The following IQCJ variants were observed in gnomAD, a reference collection of about 807,000 sequenced individuals.
IQCJ encodes IQ domain-containing protein J.
In IQCJ, 9 loss-of-function variants were observed where a neutral mutation model predicts 11.0. That is an observed-to-expected ratio of 0.82 (90% confidence interval 0.49 to 1.43). The LOEUF is 1.43. IQCJ is among the 40% of genes most tolerant of loss of function. The pLI, the probability that IQCJ is intolerant of heterozygous loss-of-function variation, is 0.00. For missense variants in IQCJ, 146 were observed against 133.2 expected, an observed-to-expected ratio of 1.10 and a Z score of -0.47; for synonymous variants, 55 against 51.3, an observed-to-expected ratio of 1.07 and a Z score of -0.31.
chr3:159,150,922 G>A (rs1577042855), intron 1 of IQCJ, among the ~76,000 whole-genome samples: 1 of 152,126 alleles, frequency 6.6e-6, no homozygotes, highest in Admixed American at 6.5e-5. Flanking sequence ...GATTTTCCAT[G>A]AATGGATAAA....
chr3:159,126,896 G>A (rs902970222), intron 1 of IQCJ, among the ~76,000 whole-genome samples: 1 of 152,166 alleles, frequency 6.6e-6, no homozygotes, highest in African/African-American at 2.4e-5. Flanking sequence ...TGCTTGAAGG[G>A]CAGAAAATGA....
rs1292973872 is a variant in IQCJ, at chr3:159,069,321, A to G, written c.-112A>G. 5 of 1,431,104 alleles carry G rather than the reference A, an allele frequency of 3.5e-6. No homozygotes were observed. In the East Asian group the frequency reaches 1.2e-4, roughly 35 times the overall value. The allele number at this position is 1,431,104 out of a possible 1,614,324, so 88.7% of individuals were successfully genotyped here. A position where few individuals can be genotyped will look rare whatever the true frequency, so the allele number is the denominator to read the frequency against. Reference sequence around the variant, plus strand: ...TCAACTCAAAGGTTTCCAGCCTCACACTCGCCTCACATTCCCCCACAGTCA... The same window carrying G: ...TCAACTCAAAGGTTTCCAGCCTCACGCTCGCCTCACATTCCCCCACAGTCA... On this transcript the variant is annotated 5_prime_UTR_variant, in exon 1 of 4. Coordinates refer to ENST00000397832, the MANE Select transcript of IQCJ (RefSeq NM_001042706.3).
At chr3:159,223,197 C>A (rs1325389697) in intron 1 of IQCJ, among the ~76,000 whole-genome samples, 1 of 151,920 alleles carries the variant, frequency 6.6e-6, no homozygotes, top group African/African-American at 2.4e-5. Context: ...CTTCAGACAA[C>A]CAAAATGATG....
At chr3:159,112,058 G>A (rs961979137) in intron 1 of IQCJ, among the ~76,000 whole-genome samples, 1 of 152,006 alleles carries the variant, frequency 6.6e-6, no homozygotes, top group Non-Finnish European at 1.5e-5. Flanking sequence ...AAGTTTGTCC[G>A]TGACCAAATA....
At chr3:159,135,801 A>G (rs1484955102) in intron 1 of IQCJ, among the ~76,000 whole-genome samples, 1 of 152,238 alleles carries the variant, frequency 6.6e-6, no homozygotes, top group African/African-American at 2.4e-5. Flanking sequence ...AGTTTCTGCC[A>G]CATGTAACCT....
chr3:159,136,719 C>T (rs1056179719), intron 1 of IQCJ, among the ~76,000 whole-genome samples: 21 of 152,160 alleles, frequency 1.4e-4, no homozygotes, highest in Non-Finnish European at 4.4e-5. Context: ...AAGGGCTTTG[C>T]CCTCATGACC....
rs1181119648 is a variant in IQCJ, at chr3:159,252,751, G to C, written c.99G>C (p.Glu33Asp). Residue 33 changes from glutamate to aspartate, a missense_variant, in exon 3 of 4, where the codon GAG becomes GAC. Glu to Asp is a conservative substitution (Grantham distance 45). Transcript: ENST00000397832. ...GTCACCAGCTGGCCATGGATGCAGA[G>C]AATAATATTGAAAAGTATCCCCTCA... ...FENHQLAMDA[E>D]NNIEKYPLNL... The C allele has an allele frequency of 6.2e-7, 1 of 1,612,326 alleles. No homozygotes were observed. Among genetic ancestry groups the C allele is most frequent in the Non-Finnish European group, 8.5e-7 (1 of 1,179,088 alleles).
intron 1 of IQCJ, among the ~76,000 whole-genome samples, chr3:159,129,051 T>C (rs550151107): frequency 2.6e-4 from 39 of 151,986 alleles, no homozygotes; most frequent in Non-Finnish European, 2.5e-4. Flanking sequence ...ACAACAACAA[T>C]AACAACAAAT....
chr3:159,198,462 A>T (rs1333747758), intron 1 of IQCJ, among the ~76,000 whole-genome samples: 1 of 152,188 alleles, frequency 6.6e-6, no homozygotes, highest in East Asian at 1.9e-4. Context: ...TGAGGATGTG[A>T]AGAAAATGAT....
At chr3:159,248,547 G>C (rs2108204222) in intron 2 of IQCJ, among the ~76,000 whole-genome samples, 1 of 152,276 alleles carries the variant, frequency 6.6e-6, no homozygotes, top group Middle Eastern at 3.4e-3. Flanking sequence ...GTCTAGATCA[G>C]TTATTTTTCA....
At chr3:159,093,538 A>G (rs1346198743) in intron 1 of IQCJ, among the ~76,000 whole-genome samples, 1 of 151,828 alleles carries the variant, frequency 6.6e-6, no homozygotes, top group Non-Finnish European at 1.5e-5. Context: ...ATGTCACCAT[A>G]ACCTGGGGAG....
At chr3:159,103,774 A>G (rs1409972392) in intron 1 of IQCJ, among the ~76,000 whole-genome samples, 1 of 152,220 alleles carries the variant, frequency 6.6e-6, no homozygotes, top group Non-Finnish European at 1.5e-5. Flanking sequence ...TCCTCTTTAT[A>G]TCAGAAAGGA....
intron 2 of IQCJ, among the ~76,000 whole-genome samples, chr3:159,247,684 A>G (rs1727353669): frequency 6.6e-6 from 1 of 152,102 alleles, no homozygotes. Flanking sequence ...TTTGTTTATG[A>G]CCAGATTTTA....
intron 2 of IQCJ, among the ~76,000 whole-genome samples, chr3:159,246,682 C>A (rs1304996781): frequency 6.6e-6 from 1 of 152,112 alleles, no homozygotes; most frequent in African/African-American, 2.4e-5. Context: ...TAGAAGAGGT[C>A]AATTAAAATT....
At chr3:159,188,709 T>C (rs1325879001) in intron 1 of IQCJ, among the ~76,000 whole-genome samples, 1 of 152,180 alleles carries the variant, frequency 6.6e-6, no homozygotes, top group Non-Finnish European at 1.5e-5. Context: ...CATCTAGTCA[T>C]CCTGTCTTGG....
chr3:159,171,417 A>G (rs902966722), intron 1 of IQCJ, among the ~76,000 whole-genome samples: 4 of 152,204 alleles, frequency 2.6e-5, no homozygotes, highest in African/African-American at 9.6e-5. Flanking sequence ...GATTAGCCAG[A>G]TATCAGCTTG....
rs181603413 is a variant in IQCJ, at chr3:159,128,769, C to T, written c.9+59328C>T. 1.7e-3 allele frequency among the ~76,000 whole-genome samples: 262 copies of T among 152,276 alleles called. 3 individuals are homozygous for T. Among genetic ancestry groups the T allele is most frequent in the Non-Finnish European group, 2.8e-3 (190 of 68,028 alleles). ...GTTTATAAAGCACCCTTTCTTCCTA[C>T]CGTGCTTTGAGAACAAACTTCTCCT... On this transcript the variant is annotated intron_variant, in intron 1 of 3. Transcript: ENST00000397832.
Position 159,262,805 on chromosome 3 carries a change from A to G in IQCJ, c.*74A>G, listed in dbSNP as rs914755529. The G allele has an allele frequency of 6.6e-6, 10 of 1,519,342 alleles. No individual in the cohort carries two copies. Among genetic ancestry groups the G allele is most frequent in the Non-Finnish European group, 8.0e-6 (9 of 1,130,092 alleles). The allele number at this position is 1,519,342 out of a possible 1,614,324, so 94.1% of individuals were successfully genotyped here. A position where few individuals can be genotyped will look rare whatever the true frequency, so the allele number is the denominator to read the frequency against. On this transcript the variant is annotated 3_prime_UTR_variant, in exon 4 of 4. Coordinates refer to ENST00000397832, the MANE Select transcript of IQCJ (RefSeq NM_001042706.3). Reference sequence around the variant, plus strand: ...GGTTTGTGACAGTGAAGATCTATGTAGCTTATTTGCTACCCAGGAACCCAT... The same window carrying G: ...GGTTTGTGACAGTGAAGATCTATGTGGCTTATTTGCTACCCAGGAACCCAT...
intron 1 of IQCJ, among the ~76,000 whole-genome samples, chr3:159,123,602 AT>A (rs1224924328): frequency 6.7e-6 from 1 of 148,534 alleles, no homozygotes; most frequent in Non-Finnish European, 1.5e-5. Context: ...TGGGAACAGA[AT>A]GGGTGGGCAG....
Sources: allele counts gnomAD v4.1 joint callset (sites outside exome capture counted in the v4.1 genomes callset), GRCh38; gene constraint gnomAD v4.1.1; transcripts MANE v1.5; gene names NCBI Gene and HGNC (gene_info 2026-07-23, HGNC 2026-07-21).